The following PSG6 variants were observed in gnomAD, a reference collection of about 807,000 sequenced individuals.
The protein encoded by PSG6 is pregnancy specific beta-1-glycoprotein 6.
Under a neutral mutation model 43.3 loss-of-function variants are expected in PSG6, and 51 were observed. The observed-to-expected ratio is 1.18, with a 90% CI of 0.94 to 1.49. PSG6 has a LOEUF of 1.49. Ranked by LOEUF, PSG6 falls within the 40% of genes most tolerant of loss-of-function variation. The pLI, the probability that PSG6 is intolerant of heterozygous loss-of-function variation, is 0.00. For missense variants in PSG6, 770 were observed against 522.2 expected, an observed-to-expected ratio of 1.47 and a Z score of -4.62; for synonymous variants, 292 against 197.6, an observed-to-expected ratio of 1.48 and a Z score of -4.01.
chr19:42,903,466 A>G (rs1972065788), intron 5 of PSG6: 3 of 693,788 alleles, frequency 4.3e-6, no homozygotes, highest in Non-Finnish European at 6.6e-6. Context: ...AATAAAATGG[A>G]GAATGGAAAC....
intron 4 of PSG6, among the ~76,000 whole-genome samples, 161 bp from the exon 5 acceptor site, chr19:42,907,337 G>C (rs1425671408): frequency 2.0e-5 from 3 of 151,882 alleles, no homozygotes; most frequent in Admixed American, 6.6e-5. Context: ...GTATTCCCCT[G>C]TTTCTCTCAT....
intron 5 of PSG6, among the ~76,000 whole-genome samples, chr19:42,905,374 C>G (rs965251073): frequency 6.6e-6 from 1 of 151,688 alleles, no homozygotes; most frequent in African/African-American, 2.4e-5. Context: ...ACCTCACACA[C>G]TTTAGGATGG....
In PSG6 at chr19:42,916,157, C is replaced by T. The variant is rs1397219576; in HGVS notation, c.395G>A (p.Gly132Glu). Residue 132 changes from glycine to glutamate, a missense_variant, in exon 2 of 6, where the codon GGA becomes GAA. By Grantham distance (98) the Gly-to-Glu change is moderately conservative. Coordinates refer to ENST00000187910, the MANE Select transcript of PSG6 (RefSeq NM_001031850.4). ...GGTGACAGTGAAATATCCAGTTACT[C>T]CTCCAGTCCCATCGCCTCGCTTTAT... Reference protein sequence around the residue: ...HIIKRGDGTGGVTGYFTVTLY... With the variant: ...HIIKRGDGTGEVTGYFTVTLY... 2 of 1,611,896 alleles carry T rather than the reference C, an allele frequency of 1.2e-6. No homozygotes were observed. The highest frequency in any genetic ancestry group is 2.7e-5 in the African/African-American group (2 of 74,706).
In PSG6 at chr19:42,907,827, A is replaced by T. The variant is rs779487717; in HGVS notation, c.734T>A (p.Ile245Asn). Reference protein sequence around the residue: ...LPKLPMPYITINNLNPREKKD... With the variant: ...LPKLPMPYITNNNLNPREKKD... ...CTTCTCCCTGGGGTTTAAGTTGTTG[A>T]TGGTGATGTAAGGCATGGGCAGCTT... Residue 245 changes from isoleucine to asparagine, a missense_variant, in exon 4 of 6, where the codon ATC becomes AAC. Coordinates refer to ENST00000187910, the MANE Select transcript of PSG6 (RefSeq NM_001031850.4). 3.1e-6 allele frequency: 5 copies of T among 1,611,490 alleles called. No individual in the cohort carries two copies. The highest frequency in any genetic ancestry group is 1.7e-5 in the Admixed American group (1 of 59,848).
At chr19:42,906,806 T>C in intron 5 of PSG6, 116 bp downstream of exon 5, 1 of 1,602,602 alleles carries the variant, frequency 6.2e-7, no homozygotes, top group Non-Finnish European at 8.5e-7. Flanking sequence ...GAATTTGGGA[T>C]TTGCTTGTGC....
At chr19:42,905,468 C>T (rs776926242) in intron 5 of PSG6, among the ~76,000 whole-genome samples, 1 of 151,582 alleles carries the variant, frequency 6.6e-6, no homozygotes, top group African/African-American at 2.4e-5. Context: ...TAGTGCATTG[C>T]TGATGGGAAT....
rs570058645 is a variant in PSG6 at position 42,906,830 on chromosome 19, T to G, written c.1240+92A>C. 451 of 1,607,568 alleles carry G rather than the reference T, an allele frequency of 2.8e-4. 10 individuals carry two copies. Among genetic ancestry groups the G allele is most frequent in the African/African-American group, 1.6e-3 (121 of 74,516 alleles). Reference sequence around the variant, plus strand: ...ATTTGCTTGTGCCCATGGGACACAGTCTGGGAATACAAATGTTTTCCTGAC... The same window carrying G: ...ATTTGCTTGTGCCCATGGGACACAGGCTGGGAATACAAATGTTTTCCTGAC... On this transcript the variant is annotated intron_variant, in intron 5 of 5. Coordinates refer to ENST00000187910, the MANE Select transcript of PSG6 (RefSeq NM_001031850.4).
In PSG6 at chr19:42,907,712, C is replaced by G. The variant is rs1065516; in HGVS notation, c.849G>C (p.Pro283=). Residue 283 remains proline (P), a synonymous_variant, in exon 4 of 6, where the codon CCG becomes CCC. Transcript: ENST00000187910. The part of the protein sequence containing the change: ...WLNGQSLPVS[P]RVKRPIENRI... Reference sequence around the variant, plus strand: ...TGTTTTCAATGGGTCGCTTTACCCTCGGACTGACCGGGAGGCTCTGACCAT... The same window carrying G: ...TGTTTTCAATGGGTCGCTTTACCCTGGGACTGACCGGGAGGCTCTGACCAT... 8,566 of 1,610,720 alleles carry G rather than the reference C, an allele frequency of 5.3e-3. 383 individuals carry two copies. The African/African-American group carries it at 0.062, about 12-fold the overall frequency.
At chr19:42,910,917 A>T in intron 2 of PSG6, 59 bp from the exon 3 acceptor site, 1 of 1,542,668 alleles carries the variant, frequency 6.5e-7, no homozygotes, top group South Asian at 1.3e-5. Context: ...CTCCAAAGGC[A>T]TTTTTCAATC....
chr19:42,916,457 G>A lies in PSG6; in HGVS notation c.95C>T (p.Thr32Ile). 1 of 1,611,692 alleles carries A rather than the reference G, an allele frequency of 6.2e-7. No homozygotes were observed. Among genetic ancestry groups the A allele is most frequent in the Non-Finnish European group, 8.5e-7 (1 of 1,178,904 alleles). ...ASLLNFWNLP[T>I]TAQVIIEAKP... ...GGCTTCAATTATTACTTGGGCAGTG[G>A]TGGGCAGGTTCCAGAAGTTTAAAAG... Residue 32 changes from threonine (T) to isoleucine (I), a missense_variant, in exon 2 of 6, where the codon ACC (threonine) becomes ATC (isoleucine). Transcript: ENST00000187910.
chr19:42,906,116 T>C (rs1397114041), intron 5 of PSG6, among the ~76,000 whole-genome samples: 5 of 151,588 alleles, frequency 3.3e-5, no homozygotes, highest in African/African-American at 1.2e-4. Flanking sequence ...CACTGCCCCT[T>C]TCCTGCCATG....
chr19:42,908,631 C>T (rs550618357), intron 3 of PSG6, among the ~76,000 whole-genome samples: 1 of 151,792 alleles, frequency 6.6e-6, no homozygotes, highest in East Asian at 1.9e-4. Context: ...AGGTGAGGAC[C>T]ATGTGGATCT....
rs112289603 is a variant in PSG6, at chr19:42,916,263, G to A, written c.289C>T (p.Arg97Ter). 8.4e-4 allele frequency: 1,357 copies of A among 1,612,096 alleles called. 27 individuals are homozygous for A. Among genetic ancestry groups the A allele is most frequent in the Admixed American group, 2.3e-3 (139 of 59,880 alleles). ...QIIYGPAYSG[R>*]ETVYSNASLL... is the part of the protein sequence containing the mutation. The stretch of plus-strand genomic sequence containing the variant: ...GATGCATTGGAATATACTGTTTCTC[G>A]TCCACTGTAGGCAGGCCCATATATA... The change falls in exon 2 of 6, where the codon CGA becomes TGA. Residue 97 changes from arginine (R) to a stop codon, truncating the protein, a stop_gained. Transcript: ENST00000187910. LOFTEE classifies it high-confidence loss of function.
chr19:42,906,694 C>T (rs908877309), intron 5 of PSG6: 20 of 1,455,872 alleles, frequency 1.4e-5, no homozygotes, highest in African/African-American at 2.9e-5. Flanking sequence ...TGATAAAGCC[C>T]CCTCCCTACC....
chr19:42,917,884 C>G lies in PSG6; in HGVS notation c.-92G>C, dbSNP rs1018465561. 3 of 1,497,512 alleles carry G rather than the reference C, an allele frequency of 2.0e-6. No homozygotes were observed. The African/African-American group carries it at 4.2e-5, about 21-fold the overall frequency. The allele number at this position is 1,497,512 out of a possible 1,614,324, so 92.8% of individuals were successfully genotyped here. A position where few individuals can be genotyped will look rare whatever the true frequency, so the allele number is the denominator to read the frequency against. On this transcript the variant is annotated 5_prime_UTR_variant, in exon 1 of 6. Coordinates refer to ENST00000187910, the MANE Select transcript of PSG6 (RefSeq NM_001031850.4). ...GGCTGTCAGGTGTGCTGTCCTTCCT[C>G]CTTCTGTGCTGAGCCTCTTCCCAGG... is the stretch of plus-strand genomic sequence containing the variant.
At chr19:42,906,595 G>C in intron 5 of PSG6, 2 of 1,340,006 alleles carry the variant, frequency 1.5e-6, no homozygotes, top group Non-Finnish European at 2.0e-6. Context: ...AGAAGGGGAT[G>C]TGTTCGTGAC....
chr19:42,912,406 G>A (rs1007110937), intron 2 of PSG6, among the ~76,000 whole-genome samples: 1 of 151,662 alleles, frequency 6.6e-6, no homozygotes, highest in African/African-American at 2.4e-5. Flanking sequence ...TTTCTCTTGA[G>A]ACCAAAATAA....
chr19:42,914,395 C>A (rs1384662192), intron 2 of PSG6, among the ~76,000 whole-genome samples: 2 of 150,554 alleles, frequency 1.3e-5, no homozygotes, highest in African/African-American at 2.5e-5. Flanking sequence ...ACAGGGCTTG[C>A]CAGTCAGAAT....
In PSG6 at chr19:42,907,008, G is replaced by T. The variant is rs140788501; in HGVS notation, c.1154C>A (p.Thr385Lys). 6.2e-7 allele frequency: 1 copy of T among 1,612,356 alleles called. No individual in the cohort carries two copies. The highest frequency in any genetic ancestry group is 1.1e-5 in the South Asian group (1 of 90,846). ...GCAAGCATAGAGCCCGCTATGATTT[G>T]TAGTAATTTGGGGGATAAAGAGCTT... is the stretch of plus-strand genomic sequence containing the variant. Reference protein sequence around the residue: ...GQKLFIPQITTNHSGLYACSV... With the variant: ...GQKLFIPQITKNHSGLYACSV... The change falls in exon 5 of 6, where the codon ACA (threonine) becomes AAA (lysine). Residue 385 changes from threonine (T) to lysine (K), a missense_variant. Coordinates refer to ENST00000187910, the MANE Select transcript of PSG6 (RefSeq NM_001031850.4).
Sources: gnomAD v4.1 joint callset for allele counts (sites outside exome capture counted in the v4.1 genomes callset) on GRCh38, gnomAD v4.1.1 for gene constraint, MANE v1.5 for transcripts, NCBI Gene and HGNC (gene_info 2026-07-23, HGNC 2026-07-21) for gene names.